The following HOTAIR variants were observed in gnomAD, a reference collection of about 807,000 sequenced individuals.
HOTAIR encodes the protein HOX transcript antisense RNA (non-protein coding).
exon 5 of HOTAIR, chr12:53,966,077 G>GC (rs1939047466): frequency 6.6e-6 from 1 of 152,262 alleles, no homozygotes; most frequent in Non-Finnish European, 1.5e-5. Flanking sequence ...AAATAAAGAC[G>GC]CCCCTCCTTC....
intron 1 of HOTAIR, among the ~76,000 whole-genome samples, chr12:53,972,407 C>T (rs1191827963): frequency 1.3e-5 from 2 of 152,224 alleles, no homozygotes; most frequent in African/African-American, 4.8e-5. Context: ...CCAGACTTCG[C>T]CAGGCACCGG....
At chr12:53,974,928 G>A (rs1201533214) in exon 1 of HOTAIR, 6 of 507,770 alleles carry the variant, frequency 1.2e-5, no homozygotes, top group Admixed American at 3.6e-5. Context: ...CCCAGACCCT[G>A]TCAGCCGCGG....
In HOTAIR at chr12:53,973,961, G is replaced by C; in HGVS notation, n.59+937C>G. On this transcript the variant is annotated intron_variant and non_coding_transcript_variant, in intron 1 of 6. Coordinates refer to ENST00000424518, the Ensembl canonical transcript of HOTAIR. This position sits in a 1 kb window ranked among gnomAD's most constrained non-coding sequence, Gnocchi z 4.3. ...GGCCGGGGAACGGGCGGGCAGCGAG[G>C]GAGGGAGCGAGAGAGGGAGGGCGAG... The C allele has an allele frequency of 7.0e-7, 1 of 1,429,304 alleles. No individual in the cohort carries two copies. Among genetic ancestry groups the C allele is most frequent in the Non-Finnish European group, 9.2e-7 (1 of 1,089,548 alleles). The allele number at this position is 1,429,304 out of a possible 1,614,324, so 88.5% of individuals were successfully genotyped here.
chr12:53,963,361 C>A (rs1288149388), exon 7 of HOTAIR: 2 of 152,266 alleles, frequency 1.3e-5, no homozygotes, highest in African/African-American at 4.8e-5. Context: ...TTTGGGGAAG[C>A]ATTTTCTGAC....
At position 53,972,927 on chromosome 12, in the gene HOTAIR, C is replaced by T. The variant is rs557924780; in HGVS notation, n.59+1971G>A. Among the ~76,000 whole-genome samples, 28 of 149,924 alleles carry T rather than the reference C, an allele frequency of 1.9e-4. No individual in the cohort carries two copies. In the South Asian group the frequency reaches 3.5e-3, roughly 19 times the overall value. On this transcript the variant is annotated intron_variant and non_coding_transcript_variant, in intron 1 of 6. Transcript: ENST00000424518. ...ACCCCACCCCAACCCTCTCTCTCCT[C>T]CTTTGCTCGTGCTGTGGTATGGAGA...
At chr12:53,965,352 G>A (rs1308925513) in intron 5 of HOTAIR, among the ~76,000 whole-genome samples, 1 of 152,240 alleles carries the variant, frequency 6.6e-6, no homozygotes, top group Non-Finnish European at 1.5e-5. Flanking sequence ...AGACTTTGCA[G>A]GTGGGGCCAA....
chr12:53,962,827 G>C (rs1349136360), exon 7 of HOTAIR: 1 of 152,220 alleles, frequency 6.6e-6, no homozygotes, highest in Non-Finnish European at 1.5e-5. Context: ...TTTGTCCCAA[G>C]CTGGGGTCTA....
intron 1 of HOTAIR, chr12:53,974,035 G>A (rs2136376217): frequency 1.2e-6 from 1 of 864,524 alleles, no homozygotes; most frequent in East Asian, 2.9e-5. Context: ...TTTTGGGTCA[G>A]TCCGATTTTA....
intron 2 of HOTAIR, among the ~76,000 whole-genome samples, chr12:53,967,723 T>C (rs1939080520): frequency 6.6e-6 from 1 of 152,150 alleles, no homozygotes; most frequent in South Asian, 2.1e-4. Context: ...CTCCAGTTAG[T>C]GAGGTGGTTT....
exon 7 of HOTAIR, chr12:53,963,832 G>A (rs557438483): frequency 6.6e-6 from 1 of 152,240 alleles, no homozygotes; most frequent in Non-Finnish European, 1.5e-5. Context: ...TTCATGTGGC[G>A]AGCTAGGACC....
intron 1 of HOTAIR, among the ~76,000 whole-genome samples, chr12:53,974,290 C>A (rs1331510045): frequency 1.4e-5 from 2 of 145,996 alleles, no homozygotes; most frequent in African/African-American, 2.5e-5. Flanking sequence ...GTATGGGGAG[C>A]CGGGCTGCCG....
chr12:53,963,414 T>G (rs17720428), exon 7 of HOTAIR: 43,027 of 152,240 alleles, frequency 0.28, 6,381 homozygotes, highest in Middle Eastern at 0.35. Flanking sequence ...TGGTCCCATT[T>G]GGATCTTTCC....
rs1209564122 is a variant in HOTAIR, at chr12:53,973,808, G to C, written n.59+1090C>G. On this transcript the variant is annotated intron_variant and non_coding_transcript_variant, in intron 1 of 6. Coordinates refer to ENST00000424518, the Ensembl canonical transcript of HOTAIR. This position sits in a 1 kb window ranked among gnomAD's most constrained non-coding sequence, Gnocchi z 4.3. ...CCGAGGCACCCCCGGCCTCGGGACT[G>C]GCGTCCCGGGCTGAGGCGGGTGCCG... The C allele has an allele frequency of 1.3e-5, 21 of 1,559,546 alleles. No individual in the cohort carries two copies. Among genetic ancestry groups the C allele is most frequent in the Non-Finnish European group, 1.7e-5 (20 of 1,156,942 alleles).
intron 6 of HOTAIR, chr12:53,964,214 A>T (rs975452975): frequency 3.3e-5 from 2 of 59,894 alleles, no homozygotes; most frequent in Non-Finnish European, 6.7e-5. Flanking sequence ...AATAAAGTTA[A>T]AAAAAAAACA....
chr12:53,965,957 A>T (rs1158793282), intron 5 of HOTAIR: 1 of 152,260 alleles, frequency 6.6e-6, no homozygotes, highest in Non-Finnish European at 1.5e-5. Context: ...TCAAGTTAGC[A>T]TCGTACCTTA....
At position 53,973,347 on chromosome 12, in the gene HOTAIR, A is replaced by C; in HGVS notation, n.59+1551T>G. The stretch of plus-strand genomic sequence containing the variant: ...CTGCGCCTCCAACCTCTATCTGCCC[A>C]GTTGCACTTACTACATGCCCGAGTT... On this transcript the variant is annotated intron_variant and non_coding_transcript_variant, in intron 1 of 6. Coordinates refer to ENST00000424518, the Ensembl canonical transcript of HOTAIR. The surrounding 1 kb of genome is among the most constrained non-coding windows in gnomAD (Gnocchi z 4.3). 1 of 1,611,758 alleles carries C rather than the reference A, an allele frequency of 6.2e-7. No individual in the cohort carries two copies.
intron 5 of HOTAIR, among the ~76,000 whole-genome samples, chr12:53,965,326 G>C (rs947530070): frequency 6.6e-6 from 1 of 152,236 alleles, no homozygotes; most frequent in African/African-American, 2.4e-5. Context: ...TCAGTCCAAG[G>C]CCACTAGGGT....
At chr12:53,963,744 C>T (rs1196611429) in exon 7 of HOTAIR, 1 of 152,180 alleles carries the variant, frequency 6.6e-6, no homozygotes, top group Non-Finnish European at 1.5e-5. Flanking sequence ...GCTTGGTGGG[C>T]CCGGTGTGGG....
In HOTAIR at chr12:53,973,836, G is replaced by A; in HGVS notation, n.59+1062C>T. On this transcript the variant is annotated intron_variant and non_coding_transcript_variant, in intron 1 of 6. Transcript: ENST00000424518. This position sits in a 1 kb window ranked among gnomAD's most constrained non-coding sequence, Gnocchi z 4.3. Reference sequence around the variant, plus strand: ...GTCCCGGGCTGAGGCGGGTGCCGAGGCGGAGGCTGAGGAGGAGAACACAAA... The same window carrying A: ...GTCCCGGGCTGAGGCGGGTGCCGAGACGGAGGCTGAGGAGGAGAACACAAA... The A allele has an allele frequency of 1.3e-6, 2 of 1,508,658 alleles. No homozygotes were observed. Among genetic ancestry groups the A allele is most frequent in the African/African-American group, 1.4e-5 (1 of 71,412 alleles). 93.5% of individuals were successfully genotyped at this position (1,508,658 alleles called of 1,614,324 possible). A position where few individuals can be genotyped will look rare whatever the true frequency, so the allele number is the denominator to read the frequency against.
Sources: gnomAD v4.1 joint callset for allele counts (sites outside exome capture counted in the v4.1 genomes callset) on GRCh38, gnomAD v4.1.1 for gene constraint, Gnocchi (gnomAD v3.1) non-coding constraint, MANE v1.5 for transcripts, NCBI Gene and HGNC (gene_info 2026-07-23, HGNC 2026-07-21) for gene names.